Variants in CFAP54 observed in about 807,000 individuals in gnomAD.
The protein encoded by CFAP54 is cilia- and flagella-associated protein 54.
CFAP54 carries 290 observed loss-of-function variants against 370.4 expected under a neutral mutation model. The ratio of observed to expected loss-of-function variants is 0.78; its 90% CI spans 0.71 to 0.86. The LOEUF (loss-of-function observed/expected upper bound fraction) is 0.86, where lower values mean the gene tolerates loss of function less well. Among genes scored for constraint, CFAP54 ranks in the 40% least tolerant of loss-of-function variants. CFAP54 has a pLI of 0.00. For missense variants in CFAP54, 3,399 were observed against 3,528.7 expected, an observed-to-expected ratio of 0.96 and a Z score of 0.93; for synonymous variants, 1,206 against 1,236.5, an observed-to-expected ratio of 0.98 and a Z score of 0.52.
chr12:96,634,256 A>G lies in CFAP54; in HGVS notation c.4316+3605A>G, dbSNP rs1022181949. ...TTTTTAGTAGAGACGGGGTTTCACTATGTTGGTCAGGCTGGTCTTGAACTC... is the reference window on the plus strand; with the variant it reads ...TTTTTAGTAGAGACGGGGTTTCACTGTGTTGGTCAGGCTGGTCTTGAACTC... On this transcript the variant is annotated intron_variant, in intron 32 of 67. Transcript: ENST00000524981. Among the ~76,000 whole-genome samples, 6 of 151,458 alleles carry G rather than the reference A, an allele frequency of 4.0e-5. No individual in the cohort carries two copies. The South Asian group carries it at 8.4e-4, about 21-fold the overall frequency.
chr12:96,780,405 C>T (rs1210861772), intron 60 of CFAP54, among the ~76,000 whole-genome samples: 1 of 151,900 alleles, frequency 6.6e-6, no homozygotes, highest in African/African-American at 2.4e-5. Flanking sequence ...TATATTTAAC[C>T]CAGAACAGTG....
At chr12:96,630,961 A>G (rs1231670382) in intron 32 of CFAP54, among the ~76,000 whole-genome samples, 1 of 152,024 alleles carries the variant, frequency 6.6e-6, no homozygotes, top group African/African-American at 2.4e-5. Flanking sequence ...CAGTGAACCT[A>G]AAGTTCTTGA....
At position 96,538,504 on chromosome 12, in the gene CFAP54, A is replaced by C; in HGVS notation, c.1912A>C (p.Ile638Leu). 6.5e-7 allele frequency: 1 copy of C among 1,536,214 alleles called. No homozygotes were observed. The highest frequency in any genetic ancestry group is 8.7e-7 in the Non-Finnish European group (1 of 1,146,886). Residue 638 changes from isoleucine to leucine, a missense_variant, in exon 13 of 68, where the codon ATC (isoleucine) becomes CTC (leucine). Physicochemically the swap from Ile to Leu is conservative, Grantham distance 5. Transcript: ENST00000524981. ...TGACTATGCAAAATTCACCCAGAAA[A>C]TCAGTACTAACAAAGTATTCCTTTC... ...RNDYAKFTQK[I>L]STNKWIYLLW...
At chr12:96,860,671 G>T (rs972716049) in intron 66 of CFAP54, 148 bp from the exon 67 acceptor site, 3 of 649,642 alleles carry the variant, frequency 4.6e-6, no homozygotes, top group Non-Finnish European at 7.5e-6. Context: ...CAGCAGTTTA[G>T]AGGTATGAAA....
chr12:96,848,692 G>A (rs1396848931), intron 66 of CFAP54, among the ~76,000 whole-genome samples: 6 of 152,006 alleles, frequency 3.9e-5, no homozygotes, highest in Admixed American at 6.6e-5. Context: ...ACGAGACTCC[G>A]TCTCAAGAAA....
At chr12:96,518,013 A>G (rs1020510399) in intron 5 of CFAP54, among the ~76,000 whole-genome samples, 3 of 152,196 alleles carry the variant, frequency 2.0e-5, no homozygotes, top group African/African-American at 7.2e-5. Flanking sequence ...GGTGGATTTT[A>G]TTTTAGATTA....
chr12:96,584,953 A>C (rs6538728), intron 22 of CFAP54, among the ~76,000 whole-genome samples: 2 of 151,868 alleles, frequency 1.3e-5, no homozygotes, highest in African/African-American at 4.8e-5. Flanking sequence ...TCAGCTGACT[A>C]GCCTCTAACT....
intron 62 of CFAP54, among the ~76,000 whole-genome samples, chr12:96,787,590 C>G (rs140261629): frequency 7.2e-5 from 11 of 152,254 alleles, no homozygotes; most frequent in African/African-American, 2.4e-4. Flanking sequence ...AAGGATTTTA[C>G]TTAAAAATAA....
chr12:96,723,024 A>T (rs1251443433), intron 50 of CFAP54, among the ~76,000 whole-genome samples: 1 of 152,218 alleles, frequency 6.6e-6, no homozygotes, highest in East Asian at 1.9e-4. Flanking sequence ...TCTTTAGAAT[A>T]TAGACAGTGT....
intron 63 of CFAP54, among the ~76,000 whole-genome samples, chr12:96,808,777 G>C (rs576303657): frequency 6.6e-6 from 1 of 152,220 alleles, no homozygotes; most frequent in Admixed American, 6.6e-5. Flanking sequence ...TCCCTGGTGT[G>C]TTTCAGACCC....
intron 9 of CFAP54, 109 bp from the exon 10 acceptor site, chr12:96,533,682 TA>T (rs1223011565): frequency 5.9e-6 from 5 of 848,904 alleles, no homozygotes; most frequent in African/African-American, 1.8e-5. Context: ...ACGTAAATCT[TA>T]TGAAAGCAGG....
chr12:96,518,253 T>A (rs901399927), intron 5 of CFAP54, among the ~76,000 whole-genome samples: 3 of 152,234 alleles, frequency 2.0e-5, no homozygotes, highest in Admixed American at 2.0e-4. Context: ...TTTTTCATTT[T>A]CCTTACCTCC....
chr12:96,747,575 A>G (rs1592739644), intron 55 of CFAP54, among the ~76,000 whole-genome samples: 1 of 152,342 alleles, frequency 6.6e-6, no homozygotes, highest in African/African-American at 2.4e-5. Context: ...AAGAAAAACT[A>G]GTGGACAGTG....
chr12:96,651,014 C>T (rs1414696655), intron 35 of CFAP54, among the ~76,000 whole-genome samples: 1 of 152,174 alleles, frequency 6.6e-6, no homozygotes, highest in Non-Finnish European at 1.5e-5. Context: ...AAATGCTCTT[C>T]TCCACCCAAC....
At chr12:96,838,253 AC>A (rs1390024869) in intron 66 of CFAP54, among the ~76,000 whole-genome samples, 1 of 152,102 alleles carries the variant, frequency 6.6e-6, no homozygotes, top group Non-Finnish European at 1.5e-5. Flanking sequence ...AGAGAATGAG[AC>A]AAATCCTAAA....
chr12:96,597,999 G>A (rs1347553486), intron 25 of CFAP54, among the ~76,000 whole-genome samples: 1 of 151,830 alleles, frequency 6.6e-6, no homozygotes, highest in Non-Finnish European at 1.5e-5. Flanking sequence ...ATGAGAGCTT[G>A]AAGCAATTAA....
chr12:96,750,569 G>T (rs891227354), intron 55 of CFAP54, among the ~76,000 whole-genome samples: 2 of 152,138 alleles, frequency 1.3e-5, no homozygotes, highest in Non-Finnish European at 2.9e-5. Context: ...CTTCCAGCTT[G>T]TTGATCTCAT....
chr12:96,837,493 A>G (rs1008545511), intron 66 of CFAP54, among the ~76,000 whole-genome samples: 1 of 152,218 alleles, frequency 6.6e-6, no homozygotes, highest in Non-Finnish European at 1.5e-5. Flanking sequence ...ATCAAAATAA[A>G]TGTGTTATTA....
At chr12:96,715,140 T>G (rs1034777302) in intron 48 of CFAP54, among the ~76,000 whole-genome samples, 4 of 152,028 alleles carry the variant, frequency 2.6e-5, no homozygotes, top group African/African-American at 9.7e-5. Flanking sequence ...TGTTGGAGAT[T>G]TAAGGAGAGA....
Sources: allele counts gnomAD v4.1 joint callset (sites outside exome capture counted in the v4.1 genomes callset), GRCh38; gene constraint gnomAD v4.1.1; transcripts MANE v1.5; gene names NCBI Gene and HGNC (gene_info 2026-07-23, HGNC 2026-07-21).